The following CNTNAP2 variants were observed in gnomAD, a reference collection of about 807,000 sequenced individuals.
CNTNAP2 encodes contactin associated protein 2, also known as contactin-associated protein-like 2.
CNTNAP2 carries 98 observed loss-of-function variants against 155.2 expected under a neutral mutation model. That is an observed-to-expected ratio of 0.63 (90% CI 0.54 to 0.75). The LOEUF (loss-of-function observed/expected upper bound fraction) is 0.75, where lower values mean the gene tolerates loss of function less well. Ranked by LOEUF, CNTNAP2 falls within the 30% of genes least tolerant of loss-of-function variation. The probability of loss-of-function intolerance (pLI) is 0.00; values close to 1 mark genes in which losing one functional copy is unlikely to be tolerated. For missense variants in CNTNAP2, 1,727 were observed against 1,688.1 expected (o/e 1.02, Z -0.40); for synonymous variants, 651 against 631.2 (o/e 1.03, Z -0.47).
intron 13 of CNTNAP2, among the ~76,000 whole-genome samples, chr7:147,756,312 T>C (rs777631414): frequency 1.3e-5 from 2 of 151,930 alleles, no homozygotes; most frequent in Admixed American, 6.6e-5. Flanking sequence ...TTTTCCCCAC[T>C]GATAAAGGAA....
chr7:147,839,184 G>A (rs757864921), intron 13 of CNTNAP2, among the ~76,000 whole-genome samples: 2 of 152,090 alleles, frequency 1.3e-5, no homozygotes. Flanking sequence ...CAGGTGATTA[G>A]ATTGTATCCA....
At chr7:147,868,241 C>G (rs1799266915) in intron 13 of CNTNAP2, among the ~76,000 whole-genome samples, 1 of 152,134 alleles carries the variant, frequency 6.6e-6, no homozygotes, top group African/African-American at 2.4e-5. Context: ...TGCTGGTGGT[C>G]CACTCCAGAC....
intron 1 of CNTNAP2, among the ~76,000 whole-genome samples, chr7:146,608,557 A>G (rs942939318): frequency 5.3e-5 from 8 of 152,286 alleles, no homozygotes; most frequent in Middle Eastern, 6.8e-3. Flanking sequence ...TCACAATTGC[A>G]GAGTCATAAG....
chr7:147,507,003 T>C (rs1034817106), intron 11 of CNTNAP2, among the ~76,000 whole-genome samples: 2 of 151,672 alleles, frequency 1.3e-5, no homozygotes, highest in Non-Finnish European at 2.9e-5. Context: ...GTAAGTTGTT[T>C]TCTTAAAAGA....
At chr7:148,262,843 T>C (rs1318895319) in intron 20 of CNTNAP2, among the ~76,000 whole-genome samples, 2 of 152,186 alleles carry the variant, frequency 1.3e-5, no homozygotes, top group Admixed American at 1.3e-4. Flanking sequence ...TCGTGTCACA[T>C]GGTCAGGTCC....
At chr7:146,281,250 A>G (rs1038416913) in intron 1 of CNTNAP2, among the ~76,000 whole-genome samples, 1 of 152,192 alleles carries the variant, frequency 6.6e-6, no homozygotes, top group Non-Finnish European at 1.5e-5. Context: ...AATTGATATG[A>G]CATAATATGA....
At chr7:146,746,747 A>G (rs527877280) in intron 1 of CNTNAP2, among the ~76,000 whole-genome samples, 13 of 152,280 alleles carry the variant, frequency 8.5e-5, no homozygotes, top group African/African-American at 3.1e-4. Context: ...CCTACTTACC[A>G]TTAGATCAAA....
chr7:147,998,301 C>T (rs1212277458), intron 15 of CNTNAP2, among the ~76,000 whole-genome samples: 2 of 151,608 alleles, frequency 1.3e-5, no homozygotes, highest in Admixed American at 6.6e-5. Flanking sequence ...TTAGTAGAGA[C>T]GGGGTTTCAC....
intron 3 of CNTNAP2, among the ~76,000 whole-genome samples, chr7:146,955,264 A>G (rs986293186): frequency 5.3e-5 from 8 of 152,004 alleles, no homozygotes; most frequent in Admixed American, 1.3e-4. Flanking sequence ...GATAACATTC[A>G]TCTTCTTTTG....
intron 22 of CNTNAP2, among the ~76,000 whole-genome samples, chr7:148,399,708 T>TA (rs1799543101): frequency 6.6e-6 from 1 of 152,196 alleles, no homozygotes; most frequent in African/African-American, 2.4e-5. Flanking sequence ...GTGTTCCTAT[T>TA]ATTGCTTTCA....
chr7:147,104,266 A>T (rs946087399), intron 4 of CNTNAP2, among the ~76,000 whole-genome samples: 1 of 152,058 alleles, frequency 6.6e-6, no homozygotes, highest in Non-Finnish European at 1.5e-5. Flanking sequence ...CACAATTTTT[A>T]TTGAAGAAGT....
At chr7:146,384,465 T>C (rs1395165586) in intron 1 of CNTNAP2, among the ~76,000 whole-genome samples, 1 of 152,200 alleles carries the variant, frequency 6.6e-6, no homozygotes, top group Non-Finnish European at 1.5e-5. Context: ...TACTTATTAA[T>C]AGAATTGTAT....
chr7:147,535,770 T>A (rs1799528053), intron 11 of CNTNAP2, among the ~76,000 whole-genome samples: 1 of 152,114 alleles, frequency 6.6e-6, no homozygotes, highest in Non-Finnish European at 1.5e-5. Flanking sequence ...AAGGTCACAA[T>A]AAGAATGCAA....
At chr7:147,735,814 A>C (rs1284819429) in intron 13 of CNTNAP2, among the ~76,000 whole-genome samples, 1 of 151,430 alleles carries the variant, frequency 6.6e-6, no homozygotes, top group Non-Finnish European at 1.5e-5. Flanking sequence ...GTTGGTTTAA[A>C]GTTTGTTTTA....
intron 1 of CNTNAP2, among the ~76,000 whole-genome samples, chr7:146,260,635 C>T (rs879851352): frequency 3.9e-5 from 6 of 152,312 alleles, no homozygotes; most frequent in Admixed American, 3.3e-4. Flanking sequence ...CCTGTAGCCC[C>T]TTTGTTTTCA....
At chr7:148,018,396 A>G (rs1802217427) in intron 15 of CNTNAP2, among the ~76,000 whole-genome samples, 1 of 152,176 alleles carries the variant, frequency 6.6e-6, no homozygotes, top group African/African-American at 2.4e-5. Flanking sequence ...GGGGGCAGAA[A>G]TTTCATTTCT....
At chr7:147,634,484 G>A (rs1483590183) in intron 12 of CNTNAP2, among the ~76,000 whole-genome samples, 4 of 152,160 alleles carry the variant, frequency 2.6e-5, no homozygotes, top group Middle Eastern at 3.4e-3. Flanking sequence ...AAAAGACTAC[G>A]TATTGGGTAC....
intron 1 of CNTNAP2, among the ~76,000 whole-genome samples, chr7:146,532,157 A>T (rs1326144088): frequency 6.6e-6 from 1 of 152,218 alleles, no homozygotes; most frequent in East Asian, 1.9e-4. Context: ...AAAATAAATT[A>T]TACTTTGATT....
At chr7:147,709,955 G>T (rs1423447157) in intron 13 of CNTNAP2, among the ~76,000 whole-genome samples, 1 of 151,700 alleles carries the variant, frequency 6.6e-6, no homozygotes, top group Non-Finnish European at 1.5e-5. Context: ...GAAATCTTTT[G>T]CCTTTTGCTT....
Sources: gnomAD v4.1 joint callset for allele counts (sites outside exome capture counted in the v4.1 genomes callset) on GRCh38, gnomAD v4.1.1 for gene constraint, MANE v1.5 for transcripts, NCBI Gene and HGNC (gene_info 2026-07-23, HGNC 2026-07-21) for gene names.